The following SETBP1 variants were observed in gnomAD, a reference collection of about 807,000 sequenced individuals.
SETBP1 encodes SET binding protein 1, also known as SET-binding protein.
In SETBP1, 9 loss-of-function variants were observed where a neutral mutation model predicts 101.0. The ratio of observed to expected loss-of-function variants is 0.09; its 90% confidence interval spans 0.05 to 0.16. The LOEUF is 0.16. SETBP1 is among the 10% of genes least tolerant of loss of function. The probability of loss-of-function intolerance (pLI) is 1.00; values close to 1 mark genes in which losing one functional copy is unlikely to be tolerated. For synonymous variants in SETBP1, 818 were observed against 788.5 expected (o/e 1.04, Z -0.63); for missense variants, 1,858 against 2,033.8 (o/e 0.91, Z 1.66).
chr18:44,714,648 C>T (rs1346788248), intron 2 of SETBP1, among the ~76,000 whole-genome samples: 1 of 151,570 alleles, frequency 6.6e-6, no homozygotes, highest in Non-Finnish European at 1.5e-5. Context: ...GAGCGCTCTC[C>T]TATCCAGATA....
chr18:44,909,271 G>T (rs2070247259), intron 3 of SETBP1, among the ~76,000 whole-genome samples: 1 of 152,210 alleles, frequency 6.6e-6, no homozygotes, highest in Non-Finnish European at 1.5e-5. Flanking sequence ...TATCTGGAGG[G>T]CAAGGCCGAG....
chr18:44,967,788 C>T (rs1168286156), intron 4 of SETBP1, among the ~76,000 whole-genome samples: 1 of 152,136 alleles, frequency 6.6e-6, no homozygotes, highest in Non-Finnish European at 1.5e-5. Context: ...AGACATTCCT[C>T]CCCCACCACA....
intron 2 of SETBP1, among the ~76,000 whole-genome samples, chr18:44,733,569 C>T (rs1198086712): frequency 1.3e-5 from 2 of 152,136 alleles, no homozygotes; most frequent in East Asian, 1.9e-4. Context: ...AGAGATGAGT[C>T]GCAGCTCCAG....
intron 4 of SETBP1, among the ~76,000 whole-genome samples, chr18:45,012,698 A>G (rs902297381): frequency 2.0e-5 from 3 of 152,178 alleles, no homozygotes; most frequent in Admixed American, 6.5e-5. Flanking sequence ...AAATAAAATC[A>G]TGTCTTTTGC....
chr18:44,699,335 G>C (rs190201578), intron 1 of SETBP1, among the ~76,000 whole-genome samples: 13 of 152,282 alleles, frequency 8.5e-5, no homozygotes, highest in Non-Finnish European at 1.8e-4. Flanking sequence ...CTTGACAAAT[G>C]GGGAAATTTC....
intron 3 of SETBP1, among the ~76,000 whole-genome samples, chr18:44,924,396 G>A (rs1010004259): frequency 3.8e-4 from 58 of 152,146 alleles, no homozygotes; most frequent in Non-Finnish European, 2.9e-5. Context: ...TGTATTTAGA[G>A]CTTTGAAGAG....
chr18:45,038,525 G>C lies in SETBP1; in HGVS notation c.4041G>C (p.Val1347=), dbSNP rs746672348. ...SPHLKVDQTA[V]HSKNEGSVPT... ...ACTTAAAAGTGGACCAGACAGCAGT[G>C]CATAGTAAGAACGAAGGCTCAGTGC... The change falls in exon 5 of 6, where the codon GTG becomes GTC. Residue 1347 remains valine (V), a synonymous_variant. Transcript: ENST00000649279. 3 of 1,614,060 alleles carry C rather than the reference G, an allele frequency of 1.9e-6. No individual in the cohort carries two copies. The African/African-American group carries it at 4.0e-5, about 22-fold the overall frequency.
chr18:44,703,348 G>GTTTTTTTTTTTTTTTTTTTTTT (rs531974601), intron 2 of SETBP1, among the ~76,000 whole-genome samples: 6 of 51,446 alleles, frequency 1.2e-4, no homozygotes, highest in African/African-American at 1.4e-4. Flanking sequence ...TTACCATTAG[G>GTTTTTTTTTTTTTTTTTTTTTT]TTTTTTTTTT....
intron 2 of SETBP1, among the ~76,000 whole-genome samples, chr18:44,850,176 T>C (rs779932210): frequency 2.0e-5 from 3 of 152,152 alleles, no homozygotes; most frequent in Non-Finnish European, 4.4e-5. Flanking sequence ...ACTCATGACA[T>C]ACCATGGAAT....
intron 3 of SETBP1, among the ~76,000 whole-genome samples, chr18:44,889,301 C>T (rs2069716343): frequency 6.6e-6 from 1 of 152,086 alleles, no homozygotes; most frequent in Admixed American, 6.6e-5. Flanking sequence ...TATCTTTGTA[C>T]TAAGTTGCCC....
chr18:44,858,992 C>T (rs1419467053), intron 2 of SETBP1, among the ~76,000 whole-genome samples: 2 of 144,802 alleles, frequency 1.4e-5, no homozygotes, highest in Non-Finnish European at 3.0e-5. Flanking sequence ...CATGCCATTG[C>T]TGGAAGGAAG....
At chr18:44,815,806 C>T (rs2071962963) in intron 2 of SETBP1, among the ~76,000 whole-genome samples, 1 of 152,194 alleles carries the variant, frequency 6.6e-6, no homozygotes, top group South Asian at 2.1e-4. Context: ...GGCAAAACAA[C>T]AGCCTGAGGA....
At chr18:45,042,767 G>A (rs55671146) in intron 5 of SETBP1, among the ~76,000 whole-genome samples, 19,289 of 152,086 alleles carry the variant, frequency 0.13, 1,858 homozygotes, top group African/African-American at 0.27. Flanking sequence ...TTTGTAAAAG[G>A]GGGCCATCGA....
Position 44,727,990 on chromosome 18 carries a change from C to T in SETBP1, c.486+26158C>T, listed in dbSNP as rs2069753431. 2.6e-5 allele frequency among the ~76,000 whole-genome samples: 4 copies of T among 152,246 alleles called. No homozygotes were observed. The South Asian group carries it at 8.3e-4, about 32-fold the overall frequency. ...ATTTGAGGGGAGGTCCTTACACGTACCATTTATCCCCTGTTTGCTCTACCG... is the reference window on the plus strand; with the variant it reads ...ATTTGAGGGGAGGTCCTTACACGTATCATTTATCCCCTGTTTGCTCTACCG... On this transcript the variant is annotated intron_variant, in intron 2 of 5. Coordinates refer to ENST00000649279, the MANE Select transcript of SETBP1 (RefSeq NM_015559.3).
chr18:44,734,728 G>T (rs908615711), intron 2 of SETBP1, among the ~76,000 whole-genome samples: 13 of 151,936 alleles, frequency 8.6e-5, no homozygotes, highest in African/African-American at 3.1e-4. Context: ...GCACCTCTCC[G>T]CAGTAACAGT....
At chr18:44,680,741 C>A (rs893689361), upstream of SETBP1, among the ~76,000 whole-genome samples, 95 of 151,984 alleles carry the variant, frequency 6.3e-4, no homozygotes, top group Non-Finnish European at 1.1e-3. Context: ...TCTGATCTAC[C>A]CCCCCTCCGC....
At chr18:44,891,800 T>A (rs936968077) in intron 3 of SETBP1, among the ~76,000 whole-genome samples, 5 of 152,200 alleles carry the variant, frequency 3.3e-5, no homozygotes, top group Admixed American at 6.5e-5. Context: ...AGTTTCTGTA[T>A]AATGGAGGCA....
intron 2 of SETBP1, among the ~76,000 whole-genome samples, chr18:44,747,027 G>GT (rs969976388): frequency 6.6e-6 from 1 of 152,224 alleles, no homozygotes; most frequent in African/African-American, 2.4e-5. Flanking sequence ...TGGCCCAACA[G>GT]TTAGTCACAT....
At position 45,032,281 on chromosome 18, in the gene SETBP1, G is replaced by A. The variant is rs569113900; in HGVS notation, c.4001-6204G>A. Among the ~76,000 whole-genome samples the A allele has an allele frequency of 8.5e-5, 13 of 152,150 alleles. No individual in the cohort carries two copies. In the South Asian group the frequency reaches 1.2e-3, roughly 15 times the overall value. On this transcript the variant is annotated intron_variant, in intron 4 of 5. Transcript: ENST00000649279. ...GTGAAGGACTCGTTGGACATCCTTC[G>A]TTGTTTGGTTTATCAATTTTATAGG... is the stretch of plus-strand genomic sequence containing the variant.
Sources: gnomAD v4.1 joint callset for allele counts (sites outside exome capture counted in the v4.1 genomes callset) on GRCh38, gnomAD v4.1.1 for gene constraint, MANE v1.5 for transcripts, NCBI Gene and HGNC (gene_info 2026-07-23, HGNC 2026-07-21) for gene names.